PACRG: variants seen among roughly 807,000 people sequenced by gnomAD.
The protein encoded by PACRG is parkin coregulated gene protein.
PACRG carries 29 observed loss-of-function variants against 29.7 expected under a neutral mutation model. The observed-to-expected ratio is 0.98, with a 90% CI of 0.73 to 1.33. PACRG has a LOEUF of 1.33. Among genes scored for constraint, PACRG ranks in the 40% most tolerant of loss-of-function variants. PACRG has a pLI of 0.00. For synonymous variants in PACRG, 116 were observed against 118.7 expected, an observed-to-expected ratio of 0.98 and a Z score of 0.15; for missense variants, 279 against 316.2, an observed-to-expected ratio of 0.88 and a Z score of 0.89.
chr6:163,290,402 AC>A (rs1784560871), intron 4 of PACRG, among the ~76,000 whole-genome samples: 2 of 152,100 alleles, frequency 1.3e-5, no homozygotes, highest in East Asian at 1.9e-4. Context: ...TTTCCAAGGG[AC>A]CAAAAACGTT....
At chr6:163,036,855 GCTATCCAT>G (rs1207801595) in intron 2 of PACRG, among the ~76,000 whole-genome samples, 3 of 113,064 alleles carry the variant, frequency 2.7e-5, no homozygotes, top group Admixed American at 1.9e-4. Flanking sequence ...TATCCATCCA[GCTATCCAT>G]CCATCCATCC....
At chr6:163,278,407 C>T (rs544419364) in intron 4 of PACRG, among the ~76,000 whole-genome samples, 1 of 152,244 alleles carries the variant, frequency 6.6e-6, no homozygotes, top group South Asian at 2.1e-4. Flanking sequence ...AAGTCTTTGT[C>T]TAAGTCAATG....
intron 2 of PACRG, among the ~76,000 whole-genome samples, chr6:163,019,496 G>T (rs1562836892): frequency 6.6e-6 from 1 of 152,092 alleles, no homozygotes; most frequent in Non-Finnish European, 1.5e-5. Flanking sequence ...GGGAAATGGG[G>T]GATTTTAGGC....
chr6:162,984,017 C>CT (rs34510834), intron 2 of PACRG, among the ~76,000 whole-genome samples: 4,418 of 146,166 alleles, frequency 0.03, 238 homozygotes, highest in African/African-American at 0.11. Context: ...ATTCTTTTTT[C>CT]TTTAAAAATT....
chr6:162,954,649 A>G (rs1799890135), intron 2 of PACRG, among the ~76,000 whole-genome samples: 1 of 152,152 alleles, frequency 6.6e-6, no homozygotes, highest in Non-Finnish European at 1.5e-5. Context: ...TCATTAACCG[A>G]ATAAGTTTTG....
chr6:163,021,726 T>G (rs1213858642), intron 2 of PACRG, among the ~76,000 whole-genome samples: 1 of 152,124 alleles, frequency 6.6e-6, no homozygotes, highest in Non-Finnish European at 1.5e-5. Context: ...CAGACCCAGC[T>G]TCAGCTGTCC....
chr6:162,743,019 AT>A (rs879489350), intron 1 of PACRG, among the ~76,000 whole-genome samples: 1 of 152,118 alleles, frequency 6.6e-6, no homozygotes, highest in Admixed American at 6.5e-5. Flanking sequence ...ATTTTTCCAC[AT>A]CCCCACAAAC....
intron 1 of PACRG, among the ~76,000 whole-genome samples, chr6:162,796,096 A>G (rs1584385108): frequency 6.6e-6 from 1 of 152,140 alleles, no homozygotes; most frequent in African/African-American, 2.4e-5. Flanking sequence ...TAGTGCCTCC[A>G]ATAAGAATAT....
chr6:162,814,067 T>C (rs1486812978), intron 1 of PACRG, 80 bp from the exon 2 acceptor site: 2 of 1,427,210 alleles, frequency 1.4e-6, no homozygotes, highest in East Asian at 4.8e-5. Context: ...CTGAAATCTT[T>C]AAAAACAGAA....
chr6:162,938,181 A>G (rs551434841), intron 2 of PACRG, among the ~76,000 whole-genome samples: 9 of 152,306 alleles, frequency 5.9e-5, no homozygotes, highest in African/African-American at 2.2e-4. Context: ...TACTTCACAT[A>G]GAATAATAGT....
chr6:162,927,402 C>A (rs1311041875), intron 2 of PACRG, among the ~76,000 whole-genome samples: 1 of 151,946 alleles, frequency 6.6e-6, no homozygotes, highest in East Asian at 1.9e-4. Flanking sequence ...GGAATCAACC[C>A]AAATGCGCAT....
intron 4 of PACRG, among the ~76,000 whole-genome samples, chr6:163,196,721 A>T (rs773081378): frequency 6.6e-6 from 1 of 152,200 alleles, no homozygotes; most frequent in Non-Finnish European, 1.5e-5. Flanking sequence ...CACATGACAC[A>T]AGACCCAGGG....
intron 4 of PACRG, among the ~76,000 whole-genome samples, chr6:163,264,079 C>T (rs1783436302): frequency 1.3e-5 from 2 of 152,110 alleles, no homozygotes; most frequent in Non-Finnish European, 2.9e-5. Context: ...GGAAACTTGC[C>T]CCAATTTATA....
Position 163,252,833 on chromosome 6 carries a change from A to G in PACRG, c.614-61994A>G, listed in dbSNP as rs542772080. 2.6e-5 allele frequency among the ~76,000 whole-genome samples: 4 copies of G among 152,320 alleles called. No homozygotes were observed. In the South Asian group the frequency reaches 8.3e-4, roughly 32 times the overall value. Reference sequence around the variant, plus strand: ...TTATACTCTTGTGCAGTCGCTTACAACTTCAGGCTGGGTCACCAAGGAGAT... The same window carrying G: ...TTATACTCTTGTGCAGTCGCTTACAGCTTCAGGCTGGGTCACCAAGGAGAT... On this transcript the variant is annotated intron_variant, in intron 4 of 4. Transcript: ENST00000366888.
Position 162,980,190 on chromosome 6 carries a change from G to GCA in PACRG, c.292-81949_292-81948dup, listed in dbSNP as rs57784208. ...CACACATACACACACACACACACAC[G>GCA]CACACACACACATTTTCAGTGTAAT... On this transcript the variant is annotated intron_variant, in intron 2 of 4. Coordinates refer to ENST00000366888, the MANE Select transcript of PACRG (RefSeq NM_001080379.2). Among the ~76,000 whole-genome samples the GCA allele has an allele frequency of 6.9e-4, 97 of 141,158 alleles. 3 individuals carry two copies. In the East Asian group the frequency reaches 0.018, roughly 27 times the overall value. 92.6% of individuals were successfully genotyped at this position (141,158 alleles called of 152,430 possible).
chr6:163,224,332 G>A (rs1050215187), intron 4 of PACRG, among the ~76,000 whole-genome samples: 2 of 116,566 alleles, frequency 1.7e-5, no homozygotes, highest in African/African-American at 6.5e-5. Context: ...TCATGCCACT[G>A]CACTGTAGCC....
chr6:163,011,499 G>C (rs1400123432), intron 2 of PACRG, among the ~76,000 whole-genome samples: 1 of 152,222 alleles, frequency 6.6e-6, no homozygotes, highest in East Asian at 1.9e-4. Context: ...TACAGGACTG[G>C]AAGTGGCTCT....
chr6:163,185,230 G>GT (rs1446630729), intron 4 of PACRG, among the ~76,000 whole-genome samples: 9 of 151,908 alleles, frequency 5.9e-5, no homozygotes, highest in African/African-American at 9.7e-5. Context: ...CATCACAATT[G>GT]TTTTTTTACC....
chr6:163,139,134 G>T (rs2128333460), intron 4 of PACRG, among the ~76,000 whole-genome samples: 1 of 152,350 alleles, frequency 6.6e-6, no homozygotes, highest in Middle Eastern at 3.4e-3. Flanking sequence ...AAGGCAAGCT[G>T]CGGGCAGAGA....
Sources: gnomAD v4.1 joint callset for allele counts (sites outside exome capture counted in the v4.1 genomes callset) on GRCh38, gnomAD v4.1.1 for gene constraint, MANE v1.5 for transcripts, NCBI Gene and HGNC (gene_info 2026-07-23, HGNC 2026-07-21) for gene names.